The following CEP164 variants were observed in gnomAD, a reference collection of about 807,000 sequenced individuals.
CEP164 encodes the protein centrosomal protein of 164 kDa.
In CEP164, 162 loss-of-function variants were observed where a neutral mutation model predicts 182.7. The observed-to-expected ratio is 0.89, with a 90% confidence interval of 0.78 to 1.01. The LOEUF (loss-of-function observed/expected upper bound fraction) is 1.01. Among genes scored for constraint, CEP164 ranks in the 50% least tolerant of loss-of-function variants. The pLI, the probability that CEP164 is intolerant of heterozygous loss-of-function variation, is 0.00. For synonymous variants in CEP164, 661 were observed against 690.0 expected (o/e 0.96, Z 0.66); for missense variants, 1,735 against 1,790.4 (o/e 0.97, Z 0.56).
At chr11:117,350,464 G>A (rs1209187616) in intron 4 of CEP164, among the ~76,000 whole-genome samples, 1 of 152,132 alleles carries the variant, frequency 6.6e-6, no homozygotes, top group Admixed American at 6.6e-5. Context: ...TTGTGAAGTA[G>A]CATTTCATAA....
upstream of CEP164, among the ~76,000 whole-genome samples, chr11:117,327,072 T>C (rs756304016): frequency 1.3e-5 from 2 of 152,222 alleles, no homozygotes; most frequent in Non-Finnish European, 2.9e-5. Context: ...TTCAATAGAC[T>C]CTTTGAAATA....
chr11:117,331,922 G>A (rs141761191), intron 1 of CEP164, among the ~76,000 whole-genome samples: 166 of 151,110 alleles, frequency 1.1e-3, no homozygotes, highest in Non-Finnish European at 2.0e-3. Context: ...TGATCACATA[G>A]CTCCTGCCTC....
chr11:117,393,841 G>T (rs1035060475), intron 20 of CEP164, among the ~76,000 whole-genome samples: 1 of 152,236 alleles, frequency 6.6e-6, no homozygotes, highest in Non-Finnish European at 1.5e-5. Context: ...CACATTGAGG[G>T]TGAACAATGG....
chr11:117,392,675 C>A lies in CEP164; in HGVS notation c.2493+48C>A, dbSNP rs372550715. 1.9e-6 allele frequency: 3 copies of A among 1,591,946 alleles called. No homozygotes were observed. The Admixed American group carries it at 5.2e-5, about 27-fold the overall frequency. On this transcript the variant is annotated intron_variant, in intron 19 of 32. Transcript: ENST00000278935. The stretch of plus-strand genomic sequence containing the variant: ...CAGTCGTGTGCGCCTGTTGTGGACT[C>A]TCTTACAGTCAGCTGAGCCGGCCTA...
chr11:117,324,402 G>A (rs918115793), upstream of CEP164, among the ~76,000 whole-genome samples: 13 of 149,652 alleles, frequency 8.7e-5, no homozygotes, highest in African/African-American at 1.7e-4. Flanking sequence ...AGCTGAGATT[G>A]CACCACTGCA....
At chr11:117,410,988 C>A in intron 31 of CEP164, 94 bp downstream of exon 31, 1 of 1,149,078 alleles carries the variant, frequency 8.7e-7, no homozygotes, top group Non-Finnish European at 1.3e-6. Context: ...GGGAGCAGAC[C>A]TCCTGGTCTT....
intron 3 of CEP164, among the ~76,000 whole-genome samples, chr11:117,343,466 T>A (rs1040926210): frequency 1.3e-5 from 2 of 152,190 alleles, no homozygotes; most frequent in Admixed American, 6.6e-5. Context: ...TGCTTGTTGA[T>A]TGAATGATGA....
chr11:117,395,200 C>T lies in CEP164; in HGVS notation c.2913+9C>T, dbSNP rs759836970. The T allele has an allele frequency of 1.2e-6, 2 of 1,613,028 alleles. No homozygotes were observed. The highest frequency in any genetic ancestry group is 1.7e-6 in the Non-Finnish European group (2 of 1,179,728). ...TTGCTCTGAAGAGTGAGGTTTGTCT[C>T]CCTGTTTTGTCCTCCCTCCTGTTCT... On this transcript the variant is annotated intron_variant, in intron 23 of 32. Coordinates refer to ENST00000278935, the MANE Select transcript of CEP164 (RefSeq NM_014956.5).
In CEP164 at chr11:117,379,620, C is replaced by T. The variant is rs1419311286; in HGVS notation, c.1318-994C>T. Among the ~76,000 whole-genome samples the T allele has an allele frequency of 2.6e-5, 4 of 152,040 alleles. No homozygotes were observed. In the South Asian group the frequency reaches 6.2e-4, roughly 24 times the overall value. On this transcript the variant is annotated intron_variant, in intron 11 of 32. Transcript: ENST00000278935. Reference sequence around the variant, plus strand: ...TCTTTGGGTCACGAGCTGGGCCTTACGTATATGAGCTGATTTAATCCTCAC... The same window carrying T: ...TCTTTGGGTCACGAGCTGGGCCTTATGTATATGAGCTGATTTAATCCTCAC...
chr11:117,378,054 A>C (rs942756048), intron 11 of CEP164, among the ~76,000 whole-genome samples: 13 of 151,710 alleles, frequency 8.6e-5, no homozygotes, highest in African/African-American at 2.9e-4. Context: ...TTTTTAGTAG[A>C]GATGAGGTTT....
chr11:117,383,090 G>A lies in CEP164; in HGVS notation c.1724+148G>A, dbSNP rs2043527082. On this transcript the variant is annotated intron_variant, in intron 14 of 32. Transcript: ENST00000278935. ...AGATTAAGCATATCCTTGGTGCTCT[G>A]TGTGCAGCCTTGAGAGCCCCACACA... is the stretch of plus-strand genomic sequence containing the variant. 5.3e-6 allele frequency: 5 copies of A among 938,126 alleles called. No homozygotes were observed. In the South Asian group the frequency reaches 9.7e-5, roughly 18 times the overall value. 58.1% of individuals were successfully genotyped at this position (938,126 alleles called of 1,614,324 possible).
intron 12 of CEP164, among the ~76,000 whole-genome samples, chr11:117,380,913 T>C (rs1228572462): frequency 6.6e-6 from 1 of 152,186 alleles, no homozygotes; most frequent in Non-Finnish European, 1.5e-5. Context: ...TGTGTGTATA[T>C]GTTTGCATGC....
chr11:117,408,061 G>A, intron 28 of CEP164, 29 bp downstream of exon 28: 1 of 1,500,806 alleles, frequency 6.7e-7, no homozygotes. Flanking sequence ...ATAGTCCAGT[G>A]GGCCCTGGCC....
intron 5 of CEP164, among the ~76,000 whole-genome samples, chr11:117,360,491 C>T (rs1166880169): frequency 2.0e-5 from 3 of 152,164 alleles, no homozygotes; most frequent in Admixed American, 6.5e-5. Context: ...CCTCCTCAGC[C>T]TCCTGAGTAG....
In CEP164 at chr11:117,412,466, G is replaced by T; in HGVS notation, c.*298G>T. On this transcript the variant is annotated 3_prime_UTR_variant, in exon 33 of 33. Coordinates refer to ENST00000278935, the MANE Select transcript of CEP164 (RefSeq NM_014956.5). ...GGAGCCCTTTGGGAGGAAGGGAGGC[G>T]TTAGAGGAGCTGCCTTCGGAGGCTC... 1 of 299,418 alleles carries T rather than the reference G, an allele frequency of 3.3e-6. No homozygotes were observed. Among genetic ancestry groups the T allele is most frequent in the Non-Finnish European group, 6.4e-6 (1 of 157,438 alleles). The allele number at this position is 299,418 out of a possible 1,614,324, so 18.5% of individuals were successfully genotyped here.
intron 11 of CEP164, among the ~76,000 whole-genome samples, chr11:117,378,165 G>A (rs967981505): frequency 2.6e-5 from 4 of 152,026 alleles, no homozygotes; most frequent in Admixed American, 1.3e-4. Context: ...CACCGTGCTC[G>A]GCAAACATAA....
At chr11:117,397,383 T>C in intron 27 of CEP164, 70 bp downstream of exon 27, 1 of 1,431,688 alleles carries the variant, frequency 7.0e-7, no homozygotes, top group Non-Finnish European at 9.5e-7. Flanking sequence ...AAACAGTCCT[T>C]TGGGCTCCCC....
At chr11:117,343,699 C>T (rs1023616686) in intron 3 of CEP164, among the ~76,000 whole-genome samples, 28 of 146,444 alleles carry the variant, frequency 1.9e-4, no homozygotes, top group Admixed American at 7.1e-4. Flanking sequence ...GGCGTGATCT[C>T]GGCTCACTGC....
At chr11:117,380,491 T>C (rs1322224256) in intron 11 of CEP164, 123 bp from the exon 12 acceptor site, 1 of 728,776 alleles carries the variant, frequency 1.4e-6, no homozygotes, top group African/African-American at 1.8e-5. Flanking sequence ...ACGTCCCGTA[T>C]GGTCCCATCT....
Sources: allele counts gnomAD v4.1 joint callset (sites outside exome capture counted in the v4.1 genomes callset), GRCh38; gene constraint gnomAD v4.1.1; transcripts MANE v1.5; gene names NCBI Gene and HGNC (gene_info 2026-07-23, HGNC 2026-07-21).